Variants in LRFN2 observed in about 807,000 individuals in gnomAD.
LRFN2 encodes leucine rich repeat and fibronectin type III domain containing 2, also known as leucine-rich repeat and fibronectin type-III domain-containing protein 2.
In LRFN2, 18 loss-of-function variants were observed where a neutral mutation model predicts 37.3. That is an observed-to-expected ratio of 0.48 (90% confidence interval 0.33 to 0.72). The LOEUF (loss-of-function observed/expected upper bound fraction) is 0.72. LRFN2 is among the 30% of genes least tolerant of loss of function. The probability of loss-of-function intolerance (pLI) is 0.02; values close to 1 mark genes in which losing one functional copy is unlikely to be tolerated. For missense variants in LRFN2, 1,006 were observed against 1,060.7 expected, an observed-to-expected ratio of 0.95 and a Z score of 0.72; for synonymous variants, 556 against 466.6, an observed-to-expected ratio of 1.19 and a Z score of -2.47.
intron 1 of LRFN2, among the ~76,000 whole-genome samples, chr6:40,456,313 T>C (rs1022002841): frequency 6.6e-5 from 10 of 152,206 alleles, no homozygotes; most frequent in Admixed American, 6.5e-5. Context: ...TGAATTCATT[T>C]CAGACTGAAA....
intron 1 of LRFN2, among the ~76,000 whole-genome samples, chr6:40,480,194 C>G (rs188603715): frequency 7.9e-5 from 12 of 152,258 alleles, no homozygotes; most frequent in Non-Finnish European, 1.5e-4. Flanking sequence ...CCAGATGGCT[C>G]CATTTACATG....
chr6:40,443,702 A>G (rs1417148271), intron 1 of LRFN2, among the ~76,000 whole-genome samples: 1 of 152,116 alleles, frequency 6.6e-6, no homozygotes, highest in Non-Finnish European at 1.5e-5. Flanking sequence ...GAGGAAACAG[A>G]TGAGAGAATC....
chr6:40,548,555 C>T (rs116664288), intron 1 of LRFN2, among the ~76,000 whole-genome samples: 4,791 of 152,202 alleles, frequency 0.031, 101 homozygotes, highest in Admixed American at 0.041. Flanking sequence ...ATTGCAGTTA[C>T]ATCAGGAGTA....
intron 1 of LRFN2, among the ~76,000 whole-genome samples, chr6:40,503,184 C>G (rs1765434908): frequency 6.6e-6 from 1 of 152,176 alleles, no homozygotes. Context: ...AGAAAACCAA[C>G]AGAGGGTTCA....
At chr6:40,566,628 A>G (rs10456493) in intron 1 of LRFN2, among the ~76,000 whole-genome samples, 81,780 of 150,012 alleles carry the variant, frequency 0.55, 22,715 homozygotes, top group Middle Eastern at 0.62. Context: ...GCAAACTATC[A>G]CATGGACAAA....
intron 1 of LRFN2, among the ~76,000 whole-genome samples, chr6:40,435,050 TATAGAGAGAGAGAGAG>T (rs1383419382): frequency 1.4e-3 from 83 of 60,036 alleles, no homozygotes; most frequent in African/African-American, 6.1e-3. Flanking sequence ...TATATATATA[TATAGAGAGAGAGAGAG>T]AGAGAGAGAG....
At chr6:40,572,017 C>T (rs1181577521) in intron 1 of LRFN2, among the ~76,000 whole-genome samples, 1 of 152,192 alleles carries the variant, frequency 6.6e-6, no homozygotes, top group East Asian at 1.9e-4. Context: ...TGGGAAGAAG[C>T]AAAGAACCAG....
At chr6:40,537,819 A>T (rs2113913849) in intron 1 of LRFN2, among the ~76,000 whole-genome samples, 1 of 152,162 alleles carries the variant, frequency 6.6e-6, no homozygotes, top group East Asian at 1.9e-4. Flanking sequence ...GGGTGGAGGG[A>T]GGGGACATAT....
At chr6:40,420,766 G>A (rs907354919) in intron 2 of LRFN2, among the ~76,000 whole-genome samples, 2 of 152,228 alleles carry the variant, frequency 1.3e-5, no homozygotes, top group Non-Finnish European at 2.9e-5. Flanking sequence ...TCTTTAAAGT[G>A]GTTGGTGCCT....
Position 40,432,342 on chromosome 6 carries a change from G to A in LRFN2, c.772C>T (p.Arg258Trp), listed in dbSNP as rs763563935. ...CELLWLRRLE[R>W]DDDLETCGSP... ...CCACAGGTTTCCAGGTCATCGTCCC[G>A]CTCGAGCCTCCGCAGCCAGAGAAGC... The change falls in exon 2 of 3, where the codon CGG becomes TGG. Residue 258 changes from arginine (R) to tryptophan (W), a missense_variant. Arg to Trp is a moderately radical substitution (Grantham distance 101). Around this residue, in one of 4 missense-constraint regions of LRFN2, gnomAD observed 303 missense variants for 299.8 expected, o/e 1.01. Coordinates refer to ENST00000338305, the MANE Select transcript of LRFN2 (RefSeq NM_020737.3). The A allele has an allele frequency of 1.5e-5, 25 of 1,614,012 alleles. No individual in the cohort carries two copies. Among genetic ancestry groups the A allele is most frequent in the Middle Eastern group, 3.3e-4 (2 of 6,084 alleles).
At chr6:40,424,432 G>T (rs538350029) in intron 2 of LRFN2, among the ~76,000 whole-genome samples, 1 of 152,282 alleles carries the variant, frequency 6.6e-6, no homozygotes, top group East Asian at 1.9e-4. Context: ...GAAAGGGCTG[G>T]ATGTAGAAGA....
In LRFN2 at chr6:40,392,475, G is replaced by C; in HGVS notation, c.1838C>G (p.Ala613Gly). The C allele has an allele frequency of 6.4e-7, 1 of 1,571,354 alleles. No homozygotes were observed. Among genetic ancestry groups the C allele is most frequent in the Non-Finnish European group, 8.6e-7 (1 of 1,158,852 alleles). Residue 613 changes from alanine (A) to glycine (G), a missense_variant, in exon 3 of 3, where the codon GCC becomes GGC. Transcript: ENST00000338305. The surrounding 1 kb of genome is among the most constrained non-coding windows in gnomAD (Gnocchi z 4.7). ...VVRNELLDFT[A>G]SLARASDSSS... ...GGAGTCACTGGCGCGGGCCAGGCTG[G>C]CGGTGAAGTCCAGGAGCTCGTTGCG...
At chr6:40,523,505 ATTTTTTT>A (rs751179915) in intron 1 of LRFN2, among the ~76,000 whole-genome samples, 17,184 of 129,334 alleles carry the variant, frequency 0.13, 1,945 homozygotes, top group East Asian at 0.24. Flanking sequence ...TCTTTAGGTG[ATTTTTTT>A]TTTTTTTTTT....
chr6:40,447,276 C>T (rs1242503684), intron 1 of LRFN2, among the ~76,000 whole-genome samples: 1 of 152,206 alleles, frequency 6.6e-6, no homozygotes, highest in African/African-American at 2.4e-5. Context: ...AAAGCATGTC[C>T]CCACCGTATG....
chr6:40,521,826 G>A (rs1338108579), intron 1 of LRFN2, among the ~76,000 whole-genome samples: 1 of 152,224 alleles, frequency 6.6e-6, no homozygotes, highest in Admixed American at 6.5e-5. Context: ...GCTGAACACA[G>A]ACCACAGGGG....
chr6:40,440,840 C>G (rs1324958263), intron 1 of LRFN2, among the ~76,000 whole-genome samples: 1 of 152,164 alleles, frequency 6.6e-6, no homozygotes, highest in Non-Finnish European at 1.5e-5. Flanking sequence ...TTGCCCATCT[C>G]ATTTCCCCAC....
intron 1 of LRFN2, among the ~76,000 whole-genome samples, chr6:40,469,961 C>A (rs1387314011): frequency 6.6e-6 from 1 of 152,216 alleles, no homozygotes. Context: ...CCTCACCAAC[C>A]ACAGTGTCCA....
At chr6:40,435,694 A>G (rs1165249821) in intron 1 of LRFN2, among the ~76,000 whole-genome samples, 2 of 152,018 alleles carry the variant, frequency 1.3e-5, no homozygotes, top group African/African-American at 4.8e-5. Flanking sequence ...GCCCGCCACC[A>G]CACCCGGCTA....
intron 1 of LRFN2, among the ~76,000 whole-genome samples, chr6:40,534,545 T>C (rs2113911657): frequency 6.6e-6 from 1 of 152,162 alleles, no homozygotes; most frequent in South Asian, 2.1e-4. Context: ...CCTGGACAAA[T>C]ATGGAACTGT....
Sources: allele counts gnomAD v4.1 joint callset (sites outside exome capture counted in the v4.1 genomes callset), GRCh38; gene constraint gnomAD v4.1.1; regional missense constraint gnomAD v4.1.1; non-coding constraint Gnocchi (gnomAD v3.1); transcripts MANE v1.5; gene names NCBI Gene and HGNC (gene_info 2026-07-23, HGNC 2026-07-21).